The following STON1 variants were observed in gnomAD, a reference collection of about 807,000 sequenced individuals.
STON1 encodes stonin-1.
A neutral mutation model predicts 60.9 loss-of-function variants in STON1; 79 were observed. That is an observed-to-expected ratio of 1.30 (90% CI 1.08 to 1.56). The LOEUF is 1.56. STON1 is among the 40% of genes most tolerant of loss of function. The pLI, the probability that STON1 is intolerant of heterozygous loss-of-function variation, is 0.00. For synonymous variants in STON1, 363 were observed against 306.9 expected (o/e 1.18, Z -1.91); for missense variants, 1,166 against 858.9 (o/e 1.36, Z -4.47).
In STON1 at chr2:48,568,693, C is replaced by T. The variant is rs116254489; in HGVS notation, c.-47-11894C>T. Among the ~76,000 whole-genome samples, 1,404 of 152,222 alleles carry T rather than the reference C, an allele frequency of 9.2e-3. 27 individuals are homozygous for T. Among genetic ancestry groups the T allele is most frequent in the African/African-American group, 0.031 (1,295 of 41,516 alleles). On this transcript the variant is annotated intron_variant, in intron 1 of 3. Coordinates refer to ENST00000404752, the MANE Select transcript of STON1 (RefSeq NM_006873.4). The stretch of plus-strand genomic sequence containing the variant: ...AGTCAAGAAGGGGCAGGAAATAGGG[C>T]GAGCTGAGTTATGAAAGCCATTCTC...
rs74515796 is a variant in STON1, at chr2:48,583,082, C to G, written c.1930+519C>G. On this transcript the variant is annotated intron_variant, in intron 2 of 3. Transcript: ENST00000404752. ...TGACTGAATTCACCCATTTGGTCAT[C>G]TCAACTTGTATTGTTTTTGTTTTTG... 3.5e-4 allele frequency among the ~76,000 whole-genome samples: 54 copies of G among 152,286 alleles called. 2 individuals are homozygous for G. In the East Asian group the frequency reaches 0.01, roughly 29 times the overall value.
intron 1 of STON1, among the ~76,000 whole-genome samples, chr2:48,569,465 T>C (rs1326327477): frequency 6.6e-6 from 1 of 152,130 alleles, no homozygotes; most frequent in East Asian, 1.9e-4. Flanking sequence ...GGGAGGGAAG[T>C]AGAGAGACTT....
intron 2 of STON1, among the ~76,000 whole-genome samples, chr2:48,584,819 C>T (rs1007863173): frequency 1.3e-5 from 2 of 152,134 alleles, no homozygotes; most frequent in East Asian, 1.9e-4. Flanking sequence ...CAGCACTGCC[C>T]GTACCCTGGA....
At position 48,555,286 on chromosome 2, in the gene STON1, C is replaced by G. The variant is rs1429498885; in HGVS notation, c.-48+25070C>G. Among the ~76,000 whole-genome samples the G allele has an allele frequency of 5.3e-5, 5 of 94,528 alleles. 2 individuals are homozygous for G. The South Asian group carries it at 2.0e-3, about 39-fold the overall frequency. The allele number at this position is 94,528 out of a possible 152,430, so 62.0% of individuals were successfully genotyped here. On this transcript the variant is annotated intron_variant, in intron 1 of 3. Coordinates refer to ENST00000404752, the MANE Select transcript of STON1 (RefSeq NM_006873.4). ...GGTGGCTGGGCAGAGGCGCCCCTCA[C>G]CTCCCGGACGGGGCGGCTGGCCGGG...
chr2:48,585,569 G>C (rs1179101382), intron 2 of STON1, among the ~76,000 whole-genome samples: 1 of 152,098 alleles, frequency 6.6e-6, no homozygotes, highest in African/African-American at 2.4e-5. Flanking sequence ...TTTATAACTT[G>C]GCTAGAGAGG....
At chr2:48,566,186 A>T (rs1161742283) in intron 1 of STON1, among the ~76,000 whole-genome samples, 2 of 151,922 alleles carry the variant, frequency 1.3e-5, no homozygotes, top group East Asian at 3.9e-4. Context: ...ATTAGTTTTT[A>T]TTTTTTTGAG....
intron 1 of STON1, chr2:48,531,590 A>C (rs2103719425): frequency 6.6e-6 from 1 of 152,356 alleles, no homozygotes; most frequent in East Asian, 1.9e-4. Context: ...GAGATTTTTC[A>C]GGGCTTGACC....
chr2:48,587,381 C>T (rs959605293), intron 2 of STON1, among the ~76,000 whole-genome samples: 1 of 152,174 alleles, frequency 6.6e-6, no homozygotes, highest in African/African-American at 2.4e-5. Context: ...CAACCTCCAC[C>T]TCCTGTGTTC....
chr2:48,541,010 G>C (rs900849741), intron 1 of STON1, among the ~76,000 whole-genome samples: 1 of 152,128 alleles, frequency 6.6e-6, no homozygotes, highest in Non-Finnish European at 1.5e-5. Context: ...TACTGACTGA[G>C]GTTCTTAACT....
intron 1 of STON1, among the ~76,000 whole-genome samples, chr2:48,560,684 C>A (rs1213872105): frequency 6.6e-6 from 1 of 152,170 alleles, no homozygotes; most frequent in South Asian, 2.1e-4. Flanking sequence ...AGAAACCAGT[C>A]CACCCAGGAA....
rs529865727 is a variant in STON1, at chr2:48,554,273, G to C, written c.-48+24057G>C. ...GTCTCTCTTTGTCGCCCGAGCTGGA[G>C]GGCAATGACACAATCTCGGCTCACT... On this transcript the variant is annotated intron_variant, in intron 1 of 3. Transcript: ENST00000404752. Among the ~76,000 whole-genome samples, 105 of 152,208 alleles carry C rather than the reference G, an allele frequency of 6.9e-4. 1 individual carries two copies. Among genetic ancestry groups the C allele is most frequent in the African/African-American group, 2.5e-3 (102 of 41,514 alleles).
In STON1 at chr2:48,580,820, T is replaced by C; in HGVS notation, c.187T>C (p.Ser63Pro). Residue 63 changes from serine to proline, a missense_variant, in exon 2 of 4, where the codon TCC (serine) becomes CCC (proline). By Grantham distance (74) the Ser-to-Pro change is moderately conservative. Transcript: ENST00000404752. Reference protein sequence around the residue: ...GSSSTSSTPLSSPIVDFYFSP... With the variant: ...GSSSTSSTPLPSPIVDFYFSP... ...TTCCTCCACCAGCAGCACTCCTCTC[T>C]CCTCCCCCATTGTAGATTTTTATTT... The C allele has an allele frequency of 6.5e-7, 1 of 1,550,136 alleles. No individual in the cohort carries two copies. Among genetic ancestry groups the C allele is most frequent in the Non-Finnish European group, 8.7e-7 (1 of 1,151,426 alleles).
At chr2:48,564,455 C>CT (rs1672762296) in intron 1 of STON1, among the ~76,000 whole-genome samples, 1 of 53,580 alleles carries the variant, frequency 1.9e-5, no homozygotes, top group African/African-American at 7.1e-5. Context: ...TCTTCTTCTT[C>CT]TTCTTCTTCT....
Position 48,563,954 on chromosome 2 carries a change from C to T in STON1, c.-47-16633C>T, listed in dbSNP as rs1010457969. The stretch of plus-strand genomic sequence containing the variant: ...ACTCAAGCGATCCACCCACCTCAGC[C>T]CTCCAAAGTGCTGGGATTACAGGTG... On this transcript the variant is annotated intron_variant, in intron 1 of 3. Coordinates refer to ENST00000404752, the MANE Select transcript of STON1 (RefSeq NM_006873.4). 2.6e-5 allele frequency among the ~76,000 whole-genome samples: 4 copies of T among 151,288 alleles called. No individual in the cohort carries two copies. In the South Asian group the frequency reaches 6.3e-4, roughly 24 times the overall value.
chr2:48,580,090 T>G (rs1348785824), intron 1 of STON1, among the ~76,000 whole-genome samples: 3 of 152,134 alleles, frequency 2.0e-5, no homozygotes, highest in African/African-American at 7.2e-5. Flanking sequence ...TATTTTTTTG[T>G]AGAGACAGGG....
At chr2:48,545,206 A>G (rs1440683090) in intron 1 of STON1, among the ~76,000 whole-genome samples, 7 of 152,154 alleles carry the variant, frequency 4.6e-5, no homozygotes, top group African/African-American at 1.7e-4. Flanking sequence ...TTTATTCGGT[A>G]AGGCAGGAAA....
intron 1 of STON1, among the ~76,000 whole-genome samples, chr2:48,547,685 G>A (rs2103776805): frequency 6.6e-6 from 1 of 152,330 alleles, no homozygotes; most frequent in South Asian, 2.1e-4. Context: ...TTTGTCTCAA[G>A]TTATCTGAAG....
At chr2:48,532,546 C>G (rs1671256429) in intron 1 of STON1, among the ~76,000 whole-genome samples, 2 of 152,190 alleles carry the variant, frequency 1.3e-5, no homozygotes, top group Non-Finnish European at 2.9e-5. Context: ...CAGTCTCTTC[C>G]TCTTCCTGAG....
chr2:48,591,884 C>A, intron 3 of STON1, 29 bp downstream of exon 3: 1 of 1,608,004 alleles, frequency 6.2e-7, no homozygotes, highest in Non-Finnish European at 8.5e-7. Flanking sequence ...AGAACTGTGA[C>A]CTGATTTGGC....
Sources: allele counts gnomAD v4.1 joint callset (sites outside exome capture counted in the v4.1 genomes callset), GRCh38; gene constraint gnomAD v4.1.1; transcripts MANE v1.5; gene names NCBI Gene and HGNC (gene_info 2026-07-23, HGNC 2026-07-21).